PTK7: variants seen among roughly 807,000 people sequenced by gnomAD.
The protein encoded by PTK7 is inactive tyrosine-protein kinase 7.
A neutral mutation model predicts 116.6 loss-of-function variants in PTK7; 39 were observed. That is an observed-to-expected ratio of 0.33 (90% CI 0.26 to 0.44). PTK7 has a LOEUF of 0.44. PTK7 is among the 20% of genes least tolerant of loss of function. PTK7 has a pLI of 1.00. For missense variants in PTK7, 1,169 were observed against 1,425.6 expected (o/e 0.82, Z 2.90); for synonymous variants, 546 against 563.6 (o/e 0.97, Z 0.44).
In PTK7 at chr6:43,076,873, C is replaced by T. The variant is rs965447944; in HGVS notation, c.79+306C>T. 6 of 1,485,766 alleles carry T rather than the reference C, an allele frequency of 4.0e-6. No individual in the cohort carries two copies. Among genetic ancestry groups the T allele is most frequent in the Admixed American group, 2.2e-5 (1 of 45,280 alleles). The allele number at this position is 1,485,766 out of a possible 1,614,324, so 92.0% of individuals were successfully genotyped here. A position where few individuals can be genotyped will look rare whatever the true frequency, so the allele number is the denominator to read the frequency against. ...CGAGAACTGCCGAGAGTTGCTGGCT[C>T]TCGGGCCCAGATGGGGAGTTTCTTG... is the stretch of plus-strand genomic sequence containing the variant. On this transcript the variant is annotated intron_variant, in intron 1 of 19. Transcript: ENST00000230419. The surrounding 1 kb of genome is among the most constrained non-coding windows in gnomAD (Gnocchi z 5.7).
At chr6:43,117,156 C>T (rs1054321399) in intron 1 of PTK7, among the ~76,000 whole-genome samples, 5 of 152,058 alleles carry the variant, frequency 3.3e-5, no homozygotes, top group Non-Finnish European at 1.5e-5. Context: ...AGCTCTGTTC[C>T]GCCACCTGTT....
chr6:43,080,305 T>C (rs1323205149), intron 1 of PTK7, among the ~76,000 whole-genome samples: 1 of 152,054 alleles, frequency 6.6e-6, no homozygotes, highest in African/African-American at 2.4e-5. Flanking sequence ...TGAGCCGAGA[T>C]TGCACCACTG....
chr6:43,100,882 A>C (rs1472461892), intron 1 of PTK7, among the ~76,000 whole-genome samples: 1 of 152,230 alleles, frequency 6.6e-6, no homozygotes, highest in Non-Finnish European at 1.5e-5. Flanking sequence ...AACTAAGCAG[A>C]TGTGAAAAAA....
chr6:43,149,264 C>T (rs1391488338), intron 17 of PTK7, among the ~76,000 whole-genome samples: 6 of 151,634 alleles, frequency 4.0e-5, no homozygotes, highest in Admixed American at 6.6e-5. Context: ...TCCAGCTACT[C>T]GGGAGGCTGA....
chr6:43,079,921 C>G (rs1365889408), intron 1 of PTK7, among the ~76,000 whole-genome samples: 1 of 150,878 alleles, frequency 6.6e-6, no homozygotes, highest in Non-Finnish European at 1.5e-5. Flanking sequence ...AATTGCCAGG[C>G]ATGGTGGCAC....
At chr6:43,105,931 G>C (rs1461221243) in intron 1 of PTK7, among the ~76,000 whole-genome samples, 6 of 152,142 alleles carry the variant, frequency 3.9e-5, no homozygotes, top group African/African-American at 7.2e-5. Context: ...ATTTGTTATG[G>C]CAGCCCTGGG....
chr6:43,132,188 T>C, intron 6 of PTK7, 24 bp downstream of exon 6: 2 of 1,582,090 alleles, frequency 1.3e-6, no homozygotes, highest in South Asian at 2.3e-5. Context: ...TCTGGGGTGC[T>C]GATGTGGGAG....
At chr6:43,115,947 A>AAGT (rs577047547) in intron 1 of PTK7, among the ~76,000 whole-genome samples, 1 of 128,404 alleles carries the variant, frequency 7.8e-6, no homozygotes, top group Non-Finnish European at 1.6e-5. Flanking sequence ...AAAAAAAAAA[A>AAGT]GGCAGTGGGC....
At chr6:43,140,697 G>GGGC (rs1046027343) in intron 10 of PTK7, among the ~76,000 whole-genome samples, 8 of 152,000 alleles carry the variant, frequency 5.3e-5, no homozygotes, top group Non-Finnish European at 8.8e-5. Context: ...AGACCAACCT[G>GGGC]GGCAATACAG....
intron 17 of PTK7, among the ~76,000 whole-genome samples, chr6:43,153,996 C>T (rs897668603): frequency 4.6e-5 from 7 of 151,960 alleles, no homozygotes; most frequent in African/African-American, 1.7e-4. Flanking sequence ...AACCCCGTTT[C>T]TACTAAAAAT....
rs58935341 is a variant in PTK7, at chr6:43,118,659, CTATATATATATA to C, written c.80-10300_80-10289del. Among the ~76,000 whole-genome samples the C allele has an allele frequency of 2.6e-3, 136 of 52,994 alleles. 1 individual carries two copies. The highest frequency in any genetic ancestry group is 8.1e-3 in the African/African-American group (104 of 12,766). 34.8% of individuals were successfully genotyped at this position (52,994 alleles called of 152,430 possible). A position where few individuals can be genotyped will look rare whatever the true frequency, so the allele number is the denominator to read the frequency against. Reference sequence around the variant, plus strand: ...TCTCTCTCTCTCTCTCTCTCTCTCTCTATATATATATATATATATATATATATATGTATATAT... The same window carrying C: ...TCTCTCTCTCTCTCTCTCTCTCTCTCTATATATATATATATATGTATATAT... On this transcript the variant is annotated intron_variant, in intron 1 of 19. Coordinates refer to ENST00000230419, the MANE Select transcript of PTK7 (RefSeq NM_002821.5).
intron 1 of PTK7, among the ~76,000 whole-genome samples, chr6:43,124,539 G>A (rs1769164799): frequency 6.6e-6 from 1 of 151,858 alleles, no homozygotes; most frequent in African/African-American, 2.4e-5. Context: ...AGCTGGGCAT[G>A]GTGGCACATG....
chr6:43,158,170 G>A (rs1771627512), intron 17 of PTK7, among the ~76,000 whole-genome samples: 5 of 151,906 alleles, frequency 3.3e-5, no homozygotes, highest in Admixed American at 3.3e-4. Context: ...GTAGTGGCAG[G>A]CACCTGTAAT....
At chr6:43,152,125 A>G (rs1771148898) in intron 17 of PTK7, among the ~76,000 whole-genome samples, 1 of 149,884 alleles carries the variant, frequency 6.7e-6, no homozygotes, top group Non-Finnish European at 1.5e-5. Context: ...CCACCGCTCA[A>G]AGACGTGAGC....
intron 1 of PTK7, among the ~76,000 whole-genome samples, chr6:43,117,616 G>T (rs1768635097): frequency 6.6e-6 from 1 of 152,078 alleles, no homozygotes; most frequent in African/African-American, 2.4e-5. Context: ...GAGTTCTCTG[G>T]ATCAGAAATG....
intron 1 of PTK7, among the ~76,000 whole-genome samples, chr6:43,123,243 C>CTG (rs1769068569): frequency 6.6e-6 from 1 of 152,246 alleles, no homozygotes; most frequent in Non-Finnish European, 1.5e-5. Flanking sequence ...GCGTGAGTCA[C>CTG]TGCGCCTGGC....
intron 7 of PTK7, among the ~76,000 whole-genome samples, chr6:43,135,683 A>G (rs1443903867): frequency 2.0e-5 from 3 of 152,232 alleles, no homozygotes; most frequent in Admixed American, 1.3e-4. Flanking sequence ...CGATGGTGAG[A>G]GGGGTTGAAG....
chr6:43,113,433 A>C (rs945332759), intron 1 of PTK7, among the ~76,000 whole-genome samples: 1 of 145,966 alleles, frequency 6.9e-6, no homozygotes, highest in African/African-American at 2.5e-5. Flanking sequence ...ACTCCATCTC[A>C]AAAAAAAAAA....
At chr6:43,116,649 T>TGCGCGCGCGCGCGCGC (rs1212265599) in intron 1 of PTK7, among the ~76,000 whole-genome samples, 2 of 73,500 alleles carry the variant, frequency 2.7e-5, no homozygotes, top group African/African-American at 1.5e-4. Flanking sequence ...TGTGTGTGTG[T>TGCGCGCGCGCGCGCGC]GTGCGCGCGC....
Sources: gnomAD v4.1 joint callset for allele counts (sites outside exome capture counted in the v4.1 genomes callset) on GRCh38, gnomAD v4.1.1 for gene constraint, Gnocchi (gnomAD v3.1) non-coding constraint, MANE v1.5 for transcripts, NCBI Gene and HGNC (gene_info 2026-07-23, HGNC 2026-07-21) for gene names.